The following TTN variants were observed in gnomAD, a reference collection of about 807,000 sequenced individuals.
TTN encodes the protein titin, also known as connectin.
A neutral mutation model predicts 3,223.0 loss-of-function variants in TTN; 1,525 were observed. The ratio of observed to expected loss-of-function variants is 0.47; its 90% CI spans 0.45 to 0.49. The LOEUF is 0.49. Among genes scored for constraint, TTN ranks in the 20% least tolerant of loss-of-function variants. The pLI is 0.00. For synonymous variants in TTN, 14,094 were observed against 15,161.0 expected (o/e 0.93, Z 5.17); for missense variants, 40,786 against 43,424.0 (o/e 0.94, Z 5.40).
chr2:178,548,745 T>G lies in TTN; in HGVS notation c.92881A>C (p.Lys30961Gln). The change falls in exon 339 of 363, where the codon AAA (lysine) becomes CAA (glutamine). Residue 30961 changes from lysine (K) to glutamine (Q), a missense_variant. Lys to Gln is a moderately conservative substitution (Grantham distance 53). Transcript: ENST00000589042. This position sits in a 1 kb window ranked among gnomAD's most constrained non-coding sequence, Gnocchi z 4.3. Reference protein sequence around the residue: ...GRPTPTAVWSKPDSNLSLRAD... With the variant: ...GRPTPTAVWSQPDSNLSLRAD... Reference sequence around the variant, plus strand: ...CGAAGGCTAAGGTTAGAGTCTGGTTTGCTCCACACAGCTGTAGGAGTAGGT... The same window carrying G: ...CGAAGGCTAAGGTTAGAGTCTGGTTGGCTCCACACAGCTGTAGGAGTAGGT... The G allele has an allele frequency of 4.3e-6, 7 of 1,613,776 alleles. No individual in the cohort carries two copies. Among genetic ancestry groups the G allele is most frequent in the Non-Finnish European group, 5.9e-6 (7 of 1,179,802 alleles).
Position 178,557,202 on chromosome 2 carries a change from A to G in TTN, c.88009+51T>C. On this transcript the variant is annotated intron_variant, in intron 329 of 362. Coordinates refer to ENST00000589042, the MANE Select transcript of TTN (RefSeq NM_001267550.2). ...TTATAATATTTTGCTTCGCAGAAGT[A>G]AGATTTGCATTTTTGTTATCAGAAC... 1.9e-6 allele frequency: 3 copies of G among 1,612,842 alleles called. No homozygotes were observed. The East Asian group carries it at 6.7e-5, about 36-fold the overall frequency.
rs752794705 is a variant in TTN, at chr2:178,581,600, A to T, written c.66668T>A (p.Met22223Lys). 5 of 1,612,784 alleles carry T rather than the reference A, an allele frequency of 3.1e-6. No individual in the cohort carries two copies. Among genetic ancestry groups the T allele is most frequent in the Non-Finnish European group, 4.2e-6 (5 of 1,179,216 alleles). The stretch of plus-strand genomic sequence containing the variant: ...ACGGAATTGATATTGTGTGTCTTCC[A>T]TCAGGCCAGTAACCTCAAAGCGGGT... ...QKTRFEVTGL[M>K]EDTQYQFRVY... is the part of the protein sequence containing the mutation. The change falls in exon 316 of 363, where the codon ATG becomes AAG. Residue 22223 changes from methionine to lysine, a missense_variant. Physicochemically the swap from Met to Lys is moderately conservative, Grantham distance 95. Coordinates refer to ENST00000589042, the MANE Select transcript of TTN (RefSeq NM_001267550.2).
At position 178,556,998 on chromosome 2, in the gene TTN, T is replaced by A. The variant is rs727505102; in HGVS notation, c.88156A>T (p.Ser29386Cys). 1.6e-5 allele frequency: 26 copies of A among 1,613,692 alleles called. No homozygotes were observed. The Admixed American group carries it at 4.2e-4, about 26-fold the overall frequency. The change falls in exon 330 of 363, where the codon AGC (serine) becomes TGC (cysteine). Residue 29386 changes from serine (S) to cysteine (C), a missense_variant. Coordinates refer to ENST00000589042, the MANE Select transcript of TTN (RefSeq NM_001267550.2). The stretch of plus-strand genomic sequence containing the variant: ...TGAGTTTCAGTAACATTGGTGAAGC[T>A]GGCCTTGGTCCATCTGCCATCTGGA... ...DLPDGRWTKASFTNVTETQFI... is the reference protein window; with the variant it reads ...DLPDGRWTKACFTNVTETQFI...
intron 200 of TTN, 27 bp downstream of exon 200, chr2:178,652,821 C>T (rs1465289741): frequency 6.2e-7 from 1 of 1,608,724 alleles, no homozygotes; most frequent in Admixed American, 1.7e-5. Context: ...GTTTGATCTT[C>T]TGAAGCCTAA....
At position 178,563,644 on chromosome 2, in the gene TTN, G is replaced by C; in HGVS notation, c.82488C>G (p.Asp27496Glu). 1 of 1,613,648 alleles carries C rather than the reference G, an allele frequency of 6.2e-7. No homozygotes were observed. Among genetic ancestry groups the C allele is most frequent in the Non-Finnish European group, 8.5e-7 (1 of 1,179,760 alleles). Reference protein sequence around the residue: ...MVVTWARPVDDGGTEIEGYIL... With the variant: ...MVVTWARPVDEGGTEIEGYIL... ...TGTAGCCCTCAATTTCGGTACCTCC[G>C]TCGTCTACTGGGCGTGCCCATGTTA... The change falls in exon 326 of 363, where the codon GAC (aspartate) becomes GAG (glutamate). Residue 27496 changes from aspartate to glutamate, a missense_variant. Coordinates refer to ENST00000589042, the MANE Select transcript of TTN (RefSeq NM_001267550.2). This position sits in a 1 kb window ranked among gnomAD's most constrained non-coding sequence, Gnocchi z 4.5.
rs55880786 is a variant in TTN, at chr2:178,536,992, C to T, written c.100117G>A (p.Gly33373Ser). 2.4e-5 allele frequency: 38 copies of T among 1,613,230 alleles called. No homozygotes were observed. In the Middle Eastern group the frequency reaches 8.3e-4, roughly 35 times the overall value. ...YFRVSAQNTF[G>S]ISDPLEVSSV... ...GACACTTCTAGAGGGTCACTGATGC[C>T]GAAAGTGTTCTGAGCTGAAACCCGG... Residue 33373 changes from glycine (G) to serine (S), a missense_variant, in exon 356 of 363, where the codon GGC (glycine) becomes AGC (serine). By Grantham distance (56) the Gly-to-Ser change is moderately conservative. Transcript: ENST00000589042.
chr2:178,678,398 T>A lies in TTN; in HGVS notation c.33910+16A>T. 1 of 1,573,578 alleles carries A rather than the reference T, an allele frequency of 6.4e-7. No individual in the cohort carries two copies. Among genetic ancestry groups the A allele is most frequent in the Non-Finnish European group, 8.6e-7 (1 of 1,159,128 alleles). On this transcript the variant is annotated intron_variant, in intron 144 of 362. Coordinates refer to ENST00000589042, the MANE Select transcript of TTN (RefSeq NM_001267550.2). ...AGTTTTTTCCCCCAAGTACTCTAAG[T>A]GATGAAATTATGTACCTTTTGCAGG...
Position 178,545,617 on chromosome 2 carries a change from A to G in TTN, c.95493T>C (p.Pro31831=), listed in dbSNP as rs999681393. Residue 31831 remains proline (P), a synonymous_variant, in exon 344 of 363, where the codon CCT becomes CCC. Transcript: ENST00000589042. Reference sequence around the variant, plus strand: ...TGATTTCATTGCCACCATCAGATTCAGGTTTTGTCCACTGAATGATGATAT... The same window carrying G: ...TGATTTCATTGCCACCATCAGATTCGGGTTTTGTCCACTGAATGATGATAT... ...KEHIIIQWTK[P]ESDGGNEISN... 1 of 1,613,726 alleles carries G rather than the reference A, an allele frequency of 6.2e-7. No individual in the cohort carries two copies. Among genetic ancestry groups the G allele is most frequent in the Non-Finnish European group, 8.5e-7 (1 of 1,179,734 alleles).
chr2:178,534,686 T>C lies in TTN; in HGVS notation c.101929A>G (p.Thr33977Ala), dbSNP rs1434947550. 3 of 1,613,716 alleles carry C rather than the reference T, an allele frequency of 1.9e-6. No individual in the cohort carries two copies. Among genetic ancestry groups the C allele is most frequent in the African/African-American group, 2.7e-5 (2 of 74,926 alleles). The change falls in exon 358 of 363, where the codon ACT becomes GCT. Residue 33977 changes from threonine to alanine, a missense_variant. Thr to Ala is a moderately conservative substitution (Grantham distance 58). Transcript: ENST00000589042. ...KPGDNFRLLF[T>A]APEYYAPEVH... ...TCAGGTGCATAGTATTCTGGGGCAG[T>C]GAATAGAAGCCTGAAGTTGTCCCCT...
Position 178,617,434 on chromosome 2 carries a change from A to G in TTN, c.47651T>C (p.Leu15884Pro), listed in dbSNP as rs1167024702. 2 of 1,596,280 alleles carry G rather than the reference A, an allele frequency of 1.3e-6. No homozygotes were observed. The stretch of plus-strand genomic sequence containing the variant: ...TAATATTGGGCTTCCTCCATCTTTC[A>G]GAGGAGGTTCCCATTTGAGCTGAAC... ...SSVQLKWEPPLKDGGSPILGY... is the reference protein window; with the variant it reads ...SSVQLKWEPPPKDGGSPILGY... The change falls in exon 254 of 363, where the codon CTG becomes CCG. Residue 15884 changes from leucine (L) to proline (P), a missense_variant. Leu to Pro is a moderately conservative substitution (Grantham distance 98, BLOSUM62 -3). Transcript: ENST00000589042.
chr2:178,748,875 C>T lies in TTN; in HGVS notation c.11311+4249G>A, dbSNP rs865785639. 14 of 1,612,354 alleles carry T rather than the reference C, an allele frequency of 8.7e-6. No individual in the cohort carries two copies. The Middle Eastern group carries it at 2.0e-3, about 229-fold the overall frequency. On this transcript the variant is annotated intron_variant, in intron 47 of 362. Coordinates refer to ENST00000589042, the MANE Select transcript of TTN (RefSeq NM_001267550.2). ...ATTTTCTCTGCCTGATACATATTTG[C>T]ATTTAGATTGCTTGATCTTGATTCT...
chr2:178,617,598 A>AT (rs2057588483), intron 253 of TTN, 86 bp from the exon 254 acceptor site: 1 of 1,430,224 alleles, frequency 7.0e-7, no homozygotes, highest in Non-Finnish European at 9.4e-7. Flanking sequence ...TATCATCCTC[A>AT]TTAACAGGTT....
At position 178,537,852 on chromosome 2, in the gene TTN, G is replaced by A; in HGVS notation, c.99355C>T (p.Gln33119Ter). Reference sequence around the variant, plus strand: ...CTTCCAACAATCTGGCATGAGAGTTGAGCAGCTTCACCCAATTTTGTGGTA... The same window carrying A: ...CTTCCAACAATCTGGCATGAGAGTTAAGCAGCTTCACCCAATTTTGTGGTA... ...DVTTKLGEAA[Q>*]LSCQIVGRPL... The change falls in exon 355 of 363, where the codon CAA becomes TAA. Residue 33119 changes from glutamine to a stop codon, truncating the protein, a stop_gained. Coordinates refer to ENST00000589042, the MANE Select transcript of TTN (RefSeq NM_001267550.2). LOFTEE classifies it high-confidence loss of function. The A allele has an allele frequency of 6.2e-7, 1 of 1,613,542 alleles. No individual in the cohort carries two copies. The highest frequency in any genetic ancestry group is 8.5e-7 in the Non-Finnish European group (1 of 1,179,666).
intron 151 of TTN, among the ~76,000 whole-genome samples, 166 bp from the exon 152 acceptor site, chr2:178,673,876 A>G (rs1049119299): frequency 6.6e-6 from 1 of 151,818 alleles, no homozygotes; most frequent in African/African-American, 2.4e-5. Context: ...GGTGTAAAGG[A>G]TATTACTTAG....
Position 178,608,782 on chromosome 2 carries a change from T to C in TTN, c.52229A>G (p.Asp17410Gly), listed in dbSNP as rs757885544. Residue 17410 changes from aspartate to glycine, a missense_variant, in exon 274 of 363, where the codon GAC becomes GGC. Transcript: ENST00000589042. ...CCATTCTGAGTCGGGTTTTGTCTTGTCTTTCTTTTCCAAAGTGTAGTTTAT... is the reference window on the plus strand; with the variant it reads ...CCATTCTGAGTCGGGTTTTGTCTTGCCTTTCTTTTCCAAAGTGTAGTTTAT... ...EIINYTLEKK[D>G]KTKPDSEWIV... The C allele has an allele frequency of 1.9e-6, 3 of 1,612,686 alleles. No homozygotes were observed. The highest frequency in any genetic ancestry group is 2.5e-6 in the Non-Finnish European group (3 of 1,179,228).
rs2154246248 is a variant in TTN at position 178,647,579 on chromosome 2, T to A, written c.40058-115A>T. 4 of 993,188 alleles carry A rather than the reference T, an allele frequency of 4.0e-6. No homozygotes were observed. The East Asian group carries it at 1.1e-4, about 26-fold the overall frequency. 61.5% of individuals were successfully genotyped at this position (993,188 alleles called of 1,614,324 possible). On this transcript the variant is annotated intron_variant, in intron 213 of 362. Coordinates refer to ENST00000589042, the MANE Select transcript of TTN (RefSeq NM_001267550.2). ...TTCATCTTAGATTTCATGGGGAAAA[T>A]GGCTTCTGAGACATGGCACCATTTT... is the stretch of plus-strand genomic sequence containing the variant.
rs199505541 is a variant in TTN, at chr2:178,551,727, T to G, written c.91173A>C (p.Glu30391Asp). The change falls in exon 335 of 363, where the codon GAA becomes GAC. Residue 30391 changes from glutamate to aspartate, a missense_variant. Physicochemically the swap from Glu to Asp is conservative, Grantham distance 45. Coordinates refer to ENST00000589042, the MANE Select transcript of TTN (RefSeq NM_001267550.2). ...ATACACGGAATTGGTAATCCAGACC[T>G]TCTACCAGTCCAGTGGCTCTATATT... ...GREYRATGLV[E>D]GLDYQFRVYA... The G allele has an allele frequency of 2.1e-4, 345 of 1,613,710 alleles. No individual in the cohort carries two copies. The highest frequency in any genetic ancestry group is 5.0e-5 in the Admixed American group (3 of 59,998).
intron 312 of TTN, 26 bp downstream of exon 312, chr2:178,583,581 G>C: frequency 6.5e-7 from 1 of 1,527,842 alleles, no homozygotes; most frequent in Non-Finnish European, 8.8e-7. Context: ...TTACATCTTT[G>C]CCTATAATAC....
rs1354185370 is a variant in TTN at position 178,530,713 on chromosome 2, G to T, written c.105902C>A (p.Ala35301Glu). Reference protein sequence around the residue: ...FLKAEASKEIAKLTCVVESSV... With the variant: ...FLKAEASKEIEKLTCVVESSV... ...GCTTTCAACCACACAGGTCAGTTTT[G>T]CAATCTCTTTAGAAGCTTCTGCTTT... The change falls in exon 358 of 363, where the codon GCA (alanine) becomes GAA (glutamate). Residue 35301 changes from alanine to glutamate, a missense_variant. Coordinates refer to ENST00000589042, the MANE Select transcript of TTN (RefSeq NM_001267550.2). 1 of 1,613,906 alleles carries T rather than the reference G, an allele frequency of 6.2e-7. No homozygotes were observed.
Sources: gnomAD v4.1 joint callset for allele counts (sites outside exome capture counted in the v4.1 genomes callset) on GRCh38, gnomAD v4.1.1 for gene constraint, Gnocchi (gnomAD v3.1) non-coding constraint, MANE v1.5 for transcripts, NCBI Gene and HGNC (gene_info 2026-07-23, HGNC 2026-07-21) for gene names.